The following SLMAP variants were observed in gnomAD, a reference collection of about 807,000 sequenced individuals.
SLMAP encodes sarcolemmal membrane-associated protein.
Under a neutral mutation model 128.8 loss-of-function variants are expected in SLMAP, and 44 were observed. The ratio of observed to expected loss-of-function variants is 0.34; its 90% CI spans 0.27 to 0.44. The LOEUF (loss-of-function observed/expected upper bound fraction) is 0.44, where lower values mean the gene tolerates loss of function less well. SLMAP is among the 20% of genes least tolerant of loss of function. SLMAP has a pLI of 1.00. For synonymous variants in SLMAP, 327 were observed against 348.8 expected (o/e 0.94, Z 0.70); for missense variants, 787 against 985.3 (o/e 0.80, Z 2.69).
At chr3:57,831,882 G>C (rs1311724527) in intron 3 of SLMAP, among the ~76,000 whole-genome samples, 1 of 152,134 alleles carries the variant, frequency 6.6e-6, no homozygotes, top group Non-Finnish European at 1.5e-5. Context: ...GACTCAATGA[G>C]ATCATCAGGG....
chr3:57,857,347 A>G (rs2094841559), intron 6 of SLMAP, among the ~76,000 whole-genome samples: 1 of 152,176 alleles, frequency 6.6e-6, no homozygotes, highest in Non-Finnish European at 1.5e-5. Flanking sequence ...CAAACCCTAT[A>G]TCTACTATGT....
Position 57,757,132 on chromosome 3 carries a change from G to T in SLMAP, c.-520G>T, listed in dbSNP as rs557555830. On this transcript the variant is annotated 5_prime_UTR_variant, in exon 2 of 25. Transcript: ENST00000671191. ...CCCTTCACTCCGGGCGAGGACTGGC[G>T]GTGGCTGCCCAGAGGTGCCCAGCCA... 2.2e-4 allele frequency: 39 copies of T among 175,404 alleles called. No individual in the cohort carries two copies. Among genetic ancestry groups the T allele is most frequent in the Admixed American group, 1.1e-3 (20 of 18,048 alleles). The allele number at this position is 175,404 out of a possible 1,614,324, so 10.9% of individuals were successfully genotyped here. A position where few individuals can be genotyped will look rare whatever the true frequency, so the allele number is the denominator to read the frequency against.
At chr3:57,791,841 A>AT (rs1411213016) in intron 2 of SLMAP, among the ~76,000 whole-genome samples, 4 of 152,152 alleles carry the variant, frequency 2.6e-5, no homozygotes, top group Non-Finnish European at 5.9e-5. Flanking sequence ...CTGTTTATTA[A>AT]TGATCTATTA....
rs576992339 is a variant in SLMAP, at chr3:57,788,295, TTAAG to T, written c.198+30450_198+30453del. On this transcript the variant is annotated intron_variant, in intron 2 of 24. Transcript: ENST00000671191. ...AGGTGGTGAGGAGTTTGATAAGATT[TTAAG>T]TAATAGAATCACATGCTTAAATCTT... is the stretch of plus-strand genomic sequence containing the variant. Among the ~76,000 whole-genome samples the T allele has an allele frequency of 8.2e-3, 1,249 of 152,292 alleles. 8 individuals carry two copies. The highest frequency in any genetic ancestry group is 0.028 in the African/African-American group (1,181 of 41,552).
intron 9 of SLMAP, among the ~76,000 whole-genome samples, chr3:57,861,586 G>A (rs115640367): frequency 0.018 from 2,791 of 152,152 alleles, 74 homozygotes; most frequent in African/African-American, 0.063. Flanking sequence ...TTATTAAATT[G>A]ATTGCTGGAT....
intron 2 of SLMAP, among the ~76,000 whole-genome samples, chr3:57,796,140 T>C (rs1394956327): frequency 6.6e-6 from 1 of 152,218 alleles, no homozygotes; most frequent in Non-Finnish European, 1.5e-5. Context: ...TACTTGGCTC[T>C]CCCTTCTATA....
At position 57,912,371 on chromosome 3, in the gene SLMAP, A is replaced by G. The variant is rs1366159915; in HGVS notation, c.1700-10A>G. 6.2e-7 allele frequency: 1 copy of G among 1,601,348 alleles called. No individual in the cohort carries two copies. The highest frequency in any genetic ancestry group is 1.1e-5 in the South Asian group (1 of 90,818). ...AATGGGCCAAGAAAATGATGGATAT[A>G]CTTTTGCAGCCCAATTGCAGAGGTT... On this transcript the variant is annotated splice_polypyrimidine_tract_variant and intron_variant, in intron 19 of 24. Transcript: ENST00000671191.
chr3:57,816,972 C>T (rs2091928969), intron 2 of SLMAP, among the ~76,000 whole-genome samples: 1 of 152,098 alleles, frequency 6.6e-6, no homozygotes. Context: ...ATGGATAGTA[C>T]TTTGAGAAAA....
At chr3:57,844,663 G>A (rs1369553278) in intron 4 of SLMAP, among the ~76,000 whole-genome samples, 2 of 143,716 alleles carry the variant, frequency 1.4e-5, no homozygotes, top group African/African-American at 2.5e-5. Context: ...CACTAAGAAA[G>A]GTGAATTAAA....
intron 16 of SLMAP, 103 bp downstream of exon 16, chr3:57,896,694 A>G: frequency 7.8e-7 from 1 of 1,275,026 alleles, no homozygotes; most frequent in African/African-American, 1.5e-5. Flanking sequence ...TGGGGAAAAA[A>G]AAAACGCTTC....
rs1048630011 is a variant in SLMAP at position 57,907,798 on chromosome 3, C to T, written c.1502-86C>T. The T allele has an allele frequency of 5.3e-6, 7 of 1,309,168 alleles. No homozygotes were observed. In the African/African-American group the frequency reaches 8.9e-5, roughly 17 times the overall value. The allele number at this position is 1,309,168 out of a possible 1,614,324, so 81.1% of individuals were successfully genotyped here. On this transcript the variant is annotated intron_variant, in intron 17 of 24. Coordinates refer to ENST00000671191, the MANE Select transcript of SLMAP (RefSeq NM_001377540.1). ...TTGTTCTATGTTGTTTATGCATGTGCAAACATGAGAGAGATTACCAGTCTT... is the reference window on the plus strand; with the variant it reads ...TTGTTCTATGTTGTTTATGCATGTGTAAACATGAGAGAGATTACCAGTCTT...
In SLMAP at chr3:57,865,310, A is replaced by AAT. The variant is rs749591044; in HGVS notation, c.1237+28_1237+29dup. The AAT allele has an allele frequency of 2.5e-4, 263 of 1,068,238 alleles. 1 individual carries two copies. In the African/African-American group the frequency reaches 3.6e-3, roughly 14 times the overall value. 66.2% of individuals were successfully genotyped at this position (1,068,238 alleles called of 1,614,324 possible). ...AGAAAAAGGTAGTGTAAAAAACTTA[A>AAT]ATATATATATACTTTTTATGATATC... is the stretch of plus-strand genomic sequence containing the variant. On this transcript the variant is annotated intron_variant, in intron 13 of 24. Transcript: ENST00000671191.
At chr3:57,878,443 A>G (rs1016022200) in intron 14 of SLMAP, among the ~76,000 whole-genome samples, 1 of 152,084 alleles carries the variant, frequency 6.6e-6, no homozygotes, top group Non-Finnish European at 1.5e-5. Context: ...TCTCTTGGTG[A>G]TCTTTTAGGT....
intron 22 of SLMAP, among the ~76,000 whole-genome samples, chr3:57,919,910 C>A (rs2096885662): frequency 6.6e-6 from 1 of 152,158 alleles, no homozygotes; most frequent in Admixed American, 6.6e-5. Flanking sequence ...CCTTGCCACC[C>A]CCTCACGTAC....
chr3:57,816,335 G>A (rs9848577), intron 2 of SLMAP, among the ~76,000 whole-genome samples: 37,070 of 151,840 alleles, frequency 0.24, 5,146 homozygotes, highest in Non-Finnish European at 0.32. Context: ...GTAGAGATGG[G>A]GTTTCTCCAT....
At chr3:57,850,835 A>G (rs997985351) in intron 6 of SLMAP, among the ~76,000 whole-genome samples, 1 of 151,976 alleles carries the variant, frequency 6.6e-6, no homozygotes, top group African/African-American at 2.4e-5. Flanking sequence ...GGGTTTTACC[A>G]TGTTGCCCAG....
intron 2 of SLMAP, among the ~76,000 whole-genome samples, chr3:57,789,594 G>A (rs2084992681): frequency 6.6e-6 from 1 of 152,154 alleles, no homozygotes; most frequent in African/African-American, 2.4e-5. Flanking sequence ...TTACAAGGAA[G>A]TACACAGATG....
intron 2 of SLMAP, among the ~76,000 whole-genome samples, chr3:57,788,575 A>G (rs1576497755): frequency 6.6e-6 from 1 of 152,210 alleles, no homozygotes; most frequent in South Asian, 2.1e-4. Context: ...AACCCTGGGG[A>G]TGACCAGCAT....
chr3:57,882,799 A>C (rs2095782628), intron 14 of SLMAP, among the ~76,000 whole-genome samples: 1 of 152,170 alleles, frequency 6.6e-6, no homozygotes, highest in Admixed American at 6.6e-5. Context: ...TGGAGCAATA[A>C]ATTACAATCT....
Sources: allele counts gnomAD v4.1 joint callset (sites outside exome capture counted in the v4.1 genomes callset), GRCh38; gene constraint gnomAD v4.1.1; transcripts MANE v1.5; gene names NCBI Gene and HGNC (gene_info 2026-07-23, HGNC 2026-07-21).